The following TBC1D8 variants were observed in gnomAD, a reference collection of about 807,000 sequenced individuals.
TBC1D8 encodes BUB2-like protein 1.
TBC1D8 carries 65 observed loss-of-function variants against 118.8 expected under a neutral mutation model. That is an observed-to-expected ratio of 0.55 (90% CI 0.45 to 0.67). TBC1D8 has a LOEUF of 0.67. Ranked by LOEUF, TBC1D8 falls within the 30% of genes least tolerant of loss-of-function variation. The probability of loss-of-function intolerance (pLI) is 0.00; values close to 1 mark genes in which losing one functional copy is unlikely to be tolerated. For synonymous variants in TBC1D8, 566 were observed against 595.8 expected, an observed-to-expected ratio of 0.95 and a Z score of 0.73; for missense variants, 1,376 against 1,471.2, an observed-to-expected ratio of 0.94 and a Z score of 1.06.
At chr2:101,088,086 CA>C (rs1334295350) in intron 2 of TBC1D8, among the ~76,000 whole-genome samples, 7 of 152,164 alleles carry the variant, frequency 4.6e-5, no homozygotes, top group African/African-American at 1.7e-4. Flanking sequence ...GTTATAAAAC[CA>C]CTGACACACA....
intron 19 of TBC1D8, among the ~76,000 whole-genome samples, chr2:101,009,290 C>T (rs1210455900): frequency 6.6e-6 from 1 of 151,728 alleles, no homozygotes; most frequent in African/African-American, 2.4e-5. Context: ...CCTGTAGTCC[C>T]AGCTACTCGG....
At chr2:101,063,253 G>C (rs1013004406) in intron 2 of TBC1D8, among the ~76,000 whole-genome samples, 2 of 152,124 alleles carry the variant, frequency 1.3e-5, no homozygotes, top group African/African-American at 4.8e-5. Context: ...TAAGATTTGA[G>C]ACAAAGTCAT....
chr2:101,057,659 A>T (rs1682516528), intron 3 of TBC1D8, among the ~76,000 whole-genome samples: 1 of 152,184 alleles, frequency 6.6e-6, no homozygotes, highest in Non-Finnish European at 1.5e-5. Flanking sequence ...CTTCGTCTCT[A>T]CAAAAAATAA....
chr2:101,045,646 T>C (rs1681652112), intron 5 of TBC1D8, among the ~76,000 whole-genome samples: 1 of 152,186 alleles, frequency 6.6e-6, no homozygotes, highest in African/African-American at 2.4e-5. Flanking sequence ...CTGCGGTGAG[T>C]TTGCCTCATA....
chr2:101,150,894 C>G (rs1679530706), intron 1 of TBC1D8, among the ~76,000 whole-genome samples: 3 of 152,300 alleles, frequency 2.0e-5, no homozygotes, highest in Admixed American at 6.5e-5. Context: ...GGCGAAGACA[C>G]CTGCCTCGCC....
chr2:101,022,166 C>G, intron 16 of TBC1D8, 115 bp downstream of exon 16: 1 of 1,501,286 alleles, frequency 6.7e-7, no homozygotes, highest in South Asian at 1.3e-5. Context: ...TCATGTCAGG[C>G]CAGTCACAAA....
intron 2 of TBC1D8, among the ~76,000 whole-genome samples, chr2:101,071,291 G>A (rs1195252762): frequency 6.6e-6 from 1 of 152,118 alleles, no homozygotes; most frequent in Non-Finnish European, 1.5e-5. Context: ...CTTGCAGTGA[G>A]CCGAGATCGC....
intron 17 of TBC1D8, among the ~76,000 whole-genome samples, chr2:101,020,369 A>T (rs1679958911): frequency 3.3e-5 from 5 of 152,196 alleles, no homozygotes. Context: ...ACAATTATGC[A>T]TGCCTTCTAT....
At chr2:101,124,279 A>T (rs116031870) in intron 1 of TBC1D8, among the ~76,000 whole-genome samples, 207 of 152,360 alleles carry the variant, frequency 1.4e-3, no homozygotes, top group African/African-American at 4.8e-3. Flanking sequence ...ACACACATGT[A>T]TAAAAGAATT....
intron 17 of TBC1D8, among the ~76,000 whole-genome samples, chr2:101,016,914 G>C (rs1055929913): frequency 1.3e-5 from 2 of 151,954 alleles, no homozygotes; most frequent in African/African-American, 4.8e-5. Flanking sequence ...TCACACTCTG[G>C]GGACTGGTGT....
At chr2:101,070,798 C>T (rs965955586) in intron 2 of TBC1D8, among the ~76,000 whole-genome samples, 5 of 152,156 alleles carry the variant, frequency 3.3e-5, no homozygotes, top group Non-Finnish European at 1.5e-5. Flanking sequence ...TTGAGAATTA[C>T]ATTTCTGCCT....
chr2:101,132,283 G>T (rs1678627267), intron 1 of TBC1D8, among the ~76,000 whole-genome samples: 1 of 152,030 alleles, frequency 6.6e-6, no homozygotes, highest in Admixed American at 6.6e-5. Flanking sequence ...CATTTGAGGG[G>T]AAGCCTATTC....
chr2:101,053,007 A>AT (rs1332588163), intron 4 of TBC1D8, among the ~76,000 whole-genome samples: 2 of 152,232 alleles, frequency 1.3e-5, no homozygotes, highest in African/African-American at 4.8e-5. Flanking sequence ...CCTGCCCTGC[A>AT]TTGAAGGAGC....
intron 1 of TBC1D8, among the ~76,000 whole-genome samples, chr2:101,134,725 T>C (rs1678762529): frequency 6.6e-6 from 1 of 152,230 alleles, no homozygotes; most frequent in Non-Finnish European, 1.5e-5. Context: ...GGCACTATCT[T>C]CAAATATAGT....
In TBC1D8 at chr2:101,027,453, T is replaced by G; in HGVS notation, c.2452-2A>C. 6.2e-7 allele frequency: 1 copy of G among 1,612,778 alleles called. No individual in the cohort carries two copies. The highest frequency in any genetic ancestry group is 2.2e-5 in the East Asian group (1 of 44,824). ...GACTTCCGGGATAACGACTCGAAGC[T>G]TGAGGAAAGAATAAACAGCAATGGC... On this transcript the variant is annotated splice_acceptor_variant, in intron 14 of 19. Transcript: ENST00000409318. LOFTEE classifies it high-confidence loss of function.
intron 17 of TBC1D8, chr2:101,018,160 T>C (rs1489498346): frequency 2.1e-6 from 1 of 470,846 alleles, no homozygotes; most frequent in Non-Finnish European, 3.8e-6. Flanking sequence ...ATACAGATAT[T>C]GCTGTACTAA....
chr2:101,026,045 C>A (rs186603548), intron 15 of TBC1D8, among the ~76,000 whole-genome samples: 2 of 152,208 alleles, frequency 1.3e-5, no homozygotes, highest in East Asian at 3.9e-4. Flanking sequence ...CTTTGAAGGC[C>A]TTTTTTAATC....
chr2:101,098,064 G>T (rs538116189), intron 1 of TBC1D8, among the ~76,000 whole-genome samples: 1 of 152,022 alleles, frequency 6.6e-6, no homozygotes, highest in South Asian at 2.1e-4. Context: ...ACCAGAGAAG[G>T]CAGAAAAAGA....
At chr2:101,129,495 G>A (rs1678493156) in intron 1 of TBC1D8, among the ~76,000 whole-genome samples, 1 of 152,090 alleles carries the variant, frequency 6.6e-6, no homozygotes, top group African/African-American at 2.4e-5. Flanking sequence ...AAACAAACAA[G>A]CATTTCAACA....
Sources: allele counts gnomAD v4.1 joint callset (sites outside exome capture counted in the v4.1 genomes callset), GRCh38; gene constraint gnomAD v4.1.1; transcripts MANE v1.5; gene names NCBI Gene and HGNC (gene_info 2026-07-23, HGNC 2026-07-21).